The following SLC44A1 variants were observed in gnomAD, a reference collection of about 807,000 sequenced individuals.
SLC44A1 encodes the protein choline transporter-like protein 1.
In SLC44A1, 26 loss-of-function variants were observed where a neutral mutation model predicts 79.3. The observed-to-expected ratio is 0.33, with a 90% CI of 0.24 to 0.46. SLC44A1 has a LOEUF of 0.46. Ranked by LOEUF, SLC44A1 falls within the 20% of genes least tolerant of loss-of-function variation. The pLI is 1.00. For missense variants in SLC44A1, 688 were observed against 798.1 expected (o/e 0.86, Z 1.66); for synonymous variants, 263 against 286.2 (o/e 0.92, Z 0.82).
At chr9:105,432,971 G>T (rs1197351157) in intron 15 of SLC44A1, among the ~76,000 whole-genome samples, 1 of 152,126 alleles carries the variant, frequency 6.6e-6, no homozygotes, top group African/African-American at 2.4e-5. Flanking sequence ...TACATATTTG[G>T]TAAAGGACTC....
intron 1 of SLC44A1, among the ~76,000 whole-genome samples, chr9:105,245,793 T>C (rs1190265750): frequency 6.6e-6 from 1 of 152,194 alleles, no homozygotes; most frequent in East Asian, 1.9e-4. Context: ...CCAACCTCCT[T>C]CTCTCGGATC....
chr9:105,257,534 G>A (rs1055861421), intron 1 of SLC44A1, among the ~76,000 whole-genome samples: 1 of 152,222 alleles, frequency 6.6e-6, no homozygotes, highest in African/African-American at 2.4e-5. Flanking sequence ...CTGGCTCCCA[G>A]ATTGTAAACT....
chr9:105,373,124 T>C (rs1564465250), intron 12 of SLC44A1, among the ~76,000 whole-genome samples: 2 of 152,216 alleles, frequency 1.3e-5, no homozygotes, highest in Non-Finnish European at 2.9e-5. Context: ...AAGCTTATAA[T>C]TAGAATATTC....
At chr9:105,289,502 G>A (rs567726550) in intron 1 of SLC44A1, among the ~76,000 whole-genome samples, 2 of 152,190 alleles carry the variant, frequency 1.3e-5, no homozygotes, top group African/African-American at 2.4e-5. Context: ...GATAATTACT[G>A]TGATGGTATT....
chr9:105,434,164 CCCGT>C (rs1829434677), intron 15 of SLC44A1, among the ~76,000 whole-genome samples: 1 of 151,882 alleles, frequency 6.6e-6, no homozygotes, highest in South Asian at 2.1e-4. Flanking sequence ...ATTGTGAAAC[CCCGT>C]CTCTGTTAAA....
At chr9:105,399,343 C>G (rs1828926541), downstream of SLC44A1, among the ~76,000 whole-genome samples, 1 of 152,214 alleles carries the variant, frequency 6.6e-6, no homozygotes, top group African/African-American at 2.4e-5. Context: ...GCCTTCGAGG[C>G]AAAACAAAGC....
At chr9:105,249,386 A>G (rs1588699507) in intron 1 of SLC44A1, among the ~76,000 whole-genome samples, 1 of 152,354 alleles carries the variant, frequency 6.6e-6, no homozygotes, top group East Asian at 1.9e-4. Flanking sequence ...AACTTCATCT[A>G]ACGGGAACAG....
intron 10 of SLC44A1, among the ~76,000 whole-genome samples, chr9:105,364,942 A>G (rs1827894731): frequency 1.3e-5 from 2 of 152,252 alleles, no homozygotes; most frequent in African/African-American, 4.8e-5. Context: ...GTTGTCTCAT[A>G]AAATTTATTG....
intron 15 of SLC44A1, among the ~76,000 whole-genome samples, chr9:105,416,069 T>A (rs1364308331): frequency 1.3e-5 from 2 of 151,774 alleles, no homozygotes; most frequent in East Asian, 3.9e-4. Flanking sequence ...GCCCAGCTAG[T>A]TTTTATATTT....
At chr9:105,433,583 A>T (rs954288199) in intron 15 of SLC44A1, among the ~76,000 whole-genome samples, 3 of 152,006 alleles carry the variant, frequency 2.0e-5, no homozygotes, top group African/African-American at 7.2e-5. Context: ...GGGGATTAAG[A>T]TACCGCACTC....
At position 105,309,898 on chromosome 9, in the gene SLC44A1, G is replaced by A. The variant is rs759093456; in HGVS notation, c.269+32G>A. On this transcript the variant is annotated intron_variant, in intron 3 of 15. Transcript: ENST00000374720. ...AGACTTGCTGAATGATGAACACATG[G>A]AAACTTTGAAAGAGGCACAGAGAAA... 1.9e-6 allele frequency: 3 copies of A among 1,598,860 alleles called. No individual in the cohort carries two copies. The Admixed American group carries it at 5.1e-5, about 27-fold the overall frequency.
intron 1 of SLC44A1, among the ~76,000 whole-genome samples, chr9:105,288,403 C>T (rs7854064): frequency 0.042 from 6,336 of 152,132 alleles, 450 homozygotes; most frequent in African/African-American, 0.14. Flanking sequence ...GGCCGGGGTG[C>T]GGTGGCATGA....
intron 15 of SLC44A1, among the ~76,000 whole-genome samples, chr9:105,388,215 T>G (rs1391230539): frequency 6.6e-6 from 1 of 152,228 alleles, no homozygotes; most frequent in Non-Finnish European, 1.5e-5. Context: ...TAGTACCTTC[T>G]TTATTTCTCT....
At chr9:105,256,166 C>A (rs1417325049) in intron 1 of SLC44A1, among the ~76,000 whole-genome samples, 2 of 152,082 alleles carry the variant, frequency 1.3e-5, no homozygotes, top group Non-Finnish European at 2.9e-5. Flanking sequence ...GCATGTACCA[C>A]CATGCCTGCT....
At chr9:105,397,971 A>G (rs1828908186), downstream of SLC44A1, among the ~76,000 whole-genome samples, 1 of 151,948 alleles carries the variant, frequency 6.6e-6, no homozygotes, top group Non-Finnish European at 1.5e-5. Context: ...AAAGAAAAAA[A>G]GAAAAGAAAA....
chr9:105,400,931 A>G (rs1828950375), downstream of SLC44A1, among the ~76,000 whole-genome samples: 2 of 152,228 alleles, frequency 1.3e-5, no homozygotes, highest in South Asian at 4.1e-4. Flanking sequence ...TAATCCTGGC[A>G]GTAGTGTAAC....
In SLC44A1 at chr9:105,391,495, G is replaced by T. The variant is rs1005342826; in HGVS notation, c.*2439G>T. The T allele has an allele frequency of 8.1e-6, 8 of 985,392 alleles. No individual in the cohort carries two copies. In the African/African-American group the frequency reaches 1.4e-4, roughly 17 times the overall value. The allele number at this position is 985,392 out of a possible 1,614,324, so 61.0% of individuals were successfully genotyped here. A position where few individuals can be genotyped will look rare whatever the true frequency, so the allele number is the denominator to read the frequency against. On this transcript the variant is annotated 3_prime_UTR_variant, in exon 16 of 16. Transcript: ENST00000374720. Reference sequence around the variant, plus strand: ...TTTTCCTTAAGTAAATTCATGTGCCGTGTAGAAATATGCAGATATGCATTA... The same window carrying T: ...TTTTCCTTAAGTAAATTCATGTGCCTTGTAGAAATATGCAGATATGCATTA...
intron 1 of SLC44A1, among the ~76,000 whole-genome samples, chr9:105,267,367 T>TGG (rs1260406031): frequency 1.3e-5 from 2 of 152,196 alleles, no homozygotes; most frequent in African/African-American, 4.8e-5. Flanking sequence ...GGATACAGTA[T>TGG]GGGCTCTTTC....
chr9:105,361,340 G>A lies in SLC44A1; in HGVS notation c.900+10G>A, dbSNP rs779169795. 6.4e-7 allele frequency: 1 copy of A among 1,573,642 alleles called. No homozygotes were observed. The highest frequency in any genetic ancestry group is 2.2e-5 in the East Asian group (1 of 44,474). On this transcript the variant is annotated intron_variant, in intron 8 of 15. Transcript: ENST00000374720. The stretch of plus-strand genomic sequence containing the variant: ...AGCTACAGTGTTCACAGTGAGTTTA[G>A]GCTTTGGCGTGTCTTTCGGTTTTGT...
Sources: allele counts gnomAD v4.1 joint callset (sites outside exome capture counted in the v4.1 genomes callset), GRCh38; gene constraint gnomAD v4.1.1; transcripts MANE v1.5; gene names NCBI Gene and HGNC (gene_info 2026-07-23, HGNC 2026-07-21).